The following P2RY10 variants were observed in gnomAD, a reference collection of about 807,000 sequenced individuals.
P2RY10 encodes the protein P2Y receptor family member 10.
A neutral mutation model predicts 12.1 loss-of-function variants in P2RY10; 4 were observed. The observed-to-expected ratio is 0.33, with a 90% confidence interval of 0.16 to 0.76. The LOEUF (loss-of-function observed/expected upper bound fraction) is 0.76. Ranked by LOEUF, P2RY10 falls within the 30% of genes least tolerant of loss-of-function variation. P2RY10 has a pLI of 0.61. For synonymous variants in P2RY10, 112 were observed against 94.1 expected, an observed-to-expected ratio of 1.19 and a Z score of -1.10; for missense variants, 233 against 264.6, an observed-to-expected ratio of 0.88 and a Z score of 0.83.
At chrX:78,952,166 G>GGCTGA (rs1401665378) in intron 2 of P2RY10, 27 bp from the exon 3 acceptor site, 2 of 730,713 alleles carry the variant, frequency 2.7e-6, no homozygotes. Context: ...CAGAGATGGT[G>GGCTGA]GCTGATTTTT....
In P2RY10 at chrX:78,961,367, G is replaced by T. The variant is rs746304449; in HGVS notation, c.847G>T (p.Ala283Ser). The T allele has an allele frequency of 8.3e-7, 1 of 1,211,040 alleles. No individual in the cohort carries two copies. Among genetic ancestry groups the T allele is most frequent in the African/African-American group, 1.7e-5 (1 of 57,667 alleles). The change falls in exon 4 of 4, where the codon GCA becomes TCA. Residue 283 changes from alanine (A) to serine (S), a missense_variant. Coordinates refer to ENST00000171757, the MANE Select transcript of P2RY10 (RefSeq NM_014499.4). Reference sequence around the variant, plus strand: ...TAGCAGTTGTCCCGTTGTCCGAATCGCACTGTATTTCCACCCTTTTTGCCT... The same window carrying T: ...TAGCAGTTGTCCCGTTGTCCGAATCTCACTGTATTTCCACCCTTTTTGCCT... ...IISSCPVVRI[A>S]LYFHPFCLCL...
rs186505487 is a variant in P2RY10, at chrX:78,957,105, A to G, written c.-13-3403A>G. Among the ~76,000 whole-genome samples the G allele has an allele frequency of 3.6e-5, 4 of 109,688 alleles. No homozygotes were observed. In the East Asian group the frequency reaches 1.1e-3, roughly 31 times the overall value. On this transcript the variant is annotated intron_variant, in intron 3 of 3. Coordinates refer to ENST00000171757, the MANE Select transcript of P2RY10 (RefSeq NM_014499.4). ...TGGGTTTTCTGGGTTTTTATTGTCT[A>G]TGGGAGGAAATATAGTGGCAAAGGT...
Position 78,961,564 on chromosome X carries a change from G to C in P2RY10, c.*24G>C. 1 of 1,090,280 alleles carries C rather than the reference G, an allele frequency of 9.2e-7. No individual in the cohort carries two copies. Among genetic ancestry groups the C allele is most frequent in the South Asian group, 2.1e-5 (1 of 48,020 alleles). 89.9% of individuals were successfully genotyped at this position (1,090,280 alleles called of 1,213,427 possible). A position where few individuals can be genotyped will look rare whatever the true frequency, so the allele number is the denominator to read the frequency against. On this transcript the variant is annotated 3_prime_UTR_variant, in exon 4 of 4. Transcript: ENST00000171757. ...AAAATTAAGATATCTCTTTAATTAC[G>C]CCTTTGTTTACCTACGTTCCTTGTC... is the stretch of plus-strand genomic sequence containing the variant.
chrX:78,958,381 G>A (rs1363625399), intron 3 of P2RY10, among the ~76,000 whole-genome samples: 2 of 112,356 alleles, frequency 1.8e-5, no homozygotes, highest in Non-Finnish European at 3.8e-5. Flanking sequence ...GCATGCAAAG[G>A]CATGTGGAGT....
intron 1 of P2RY10, among the ~76,000 whole-genome samples, chrX:78,946,097 G>C (rs984279189): frequency 9.0e-6 from 1 of 111,407 alleles, no homozygotes; most frequent in African/African-American, 3.3e-5. Context: ...GCTTGTTAGT[G>C]GTATAGGTGG....
intron 1 of P2RY10, among the ~76,000 whole-genome samples, chrX:78,947,252 A>G (rs1921885136): frequency 9.0e-6 from 1 of 111,277 alleles, no homozygotes; most frequent in African/African-American, 3.3e-5. Flanking sequence ...GCCTATCTAT[A>G]CTATAGCTCT....
intron 3 of P2RY10, among the ~76,000 whole-genome samples, chrX:78,954,939 CTTTAAG>C (rs990087456): frequency 1.8e-5 from 2 of 112,069 alleles, no homozygotes; most frequent in Non-Finnish European, 3.8e-5. Context: ...GTGAGGTTAA[CTTTAAG>C]TTTATCTCTT....
intron 3 of P2RY10, among the ~76,000 whole-genome samples, chrX:78,954,019 C>A (rs756735870): frequency 9.0e-6 from 1 of 111,072 alleles, no homozygotes; most frequent in East Asian, 2.8e-4. Flanking sequence ...GGCGTGCCAC[C>A]GCACCCAGCT....
chrX:78,963,127 T>C lies in P2RY10; in HGVS notation c.*1587T>C, dbSNP rs1235935417. ...ACATTTATGAAGCTGACCTCATCAC[T>C]CTTTATCTTTTATGTCTGCAGTATA... On this transcript the variant is annotated 3_prime_UTR_variant, in exon 4 of 4. Coordinates refer to ENST00000171757, the MANE Select transcript of P2RY10 (RefSeq NM_014499.4). Among the ~76,000 whole-genome samples the C allele has an allele frequency of 1.8e-5, 2 of 111,837 alleles. No individual in the cohort carries two copies. Among genetic ancestry groups the C allele is most frequent in the Non-Finnish European group, 3.8e-5 (2 of 53,151 alleles).
intron 2 of P2RY10, among the ~76,000 whole-genome samples, chrX:78,948,394 A>G (rs1470503210): frequency 8.9e-6 from 1 of 111,809 alleles, no homozygotes; most frequent in Admixed American, 9.5e-5. Context: ...GAGGAAATGA[A>G]CTCACATTTA....
In P2RY10 at chrX:78,947,140, G is replaced by A. The variant is rs376511427; in HGVS notation, c.-205-675G>A. ...TGAGGCTGGAGAATCGCTCGAAACC[G>A]AGAGATGGAGGTTGCAGTGAGCTGA... On this transcript the variant is annotated intron_variant, in intron 1 of 3. Coordinates refer to ENST00000171757, the MANE Select transcript of P2RY10 (RefSeq NM_014499.4). Among the ~76,000 whole-genome samples, 14 of 110,322 alleles carry A rather than the reference G, an allele frequency of 1.3e-4. No individual in the cohort carries two copies. The East Asian group carries it at 1.4e-3, about 11-fold the overall frequency.
At chrX:78,960,457 C>T in intron 3 of P2RY10, 51 bp from the exon 4 acceptor site, 1 of 951,530 alleles carries the variant, frequency 1.1e-6, no homozygotes, top group Non-Finnish European at 1.5e-6. Context: ...TAGGTGTTAA[C>T]TAAAGAACTA....
chrX:78,947,846 A>C lies in P2RY10; in HGVS notation c.-174A>C, dbSNP rs1206039982. On this transcript the variant is annotated 5_prime_UTR_variant, in exon 2 of 4. Transcript: ENST00000171757. ...TTATCATGACAGCTTCAACTTTTAG[A>C]CCACAGGCAAATGCTTTGTAAGTAA... 1 of 710,839 alleles carries C rather than the reference A, an allele frequency of 1.4e-6. No homozygotes were observed. Among genetic ancestry groups the C allele is most frequent in the Non-Finnish European group, 1.7e-6 (1 of 600,714 alleles). 58.6% of individuals were successfully genotyped at this position (710,839 alleles called of 1,213,427 possible). A position where few individuals can be genotyped will look rare whatever the true frequency, so the allele number is the denominator to read the frequency against.
chrX:78,948,529 A>C (rs1409208865), intron 2 of P2RY10, among the ~76,000 whole-genome samples: 1 of 111,496 alleles, frequency 9.0e-6, no homozygotes, highest in South Asian at 3.7e-4. Flanking sequence ...TAAATTATAT[A>C]GCAGTAAATT....
At chrX:78,945,623 C>T (rs1470381822) in intron 1 of P2RY10, 128 bp downstream of exon 1, 1 of 111,805 alleles carries the variant, frequency 8.9e-6, no homozygotes, top group African/African-American at 3.3e-5. Flanking sequence ...TTTCTCATCT[C>T]AGACATCTTA....
At chrX:78,949,274 A>T (rs750581654) in intron 2 of P2RY10, among the ~76,000 whole-genome samples, 1 of 111,859 alleles carries the variant, frequency 8.9e-6, no homozygotes, top group South Asian at 3.7e-4. Context: ...AGTTCCTTGT[A>T]GATTCTAGTT....
At chrX:78,958,312 A>G (rs1169834234) in intron 3 of P2RY10, among the ~76,000 whole-genome samples, 2 of 112,580 alleles carry the variant, frequency 1.8e-5, no homozygotes, top group Non-Finnish European at 3.8e-5. Context: ...GTGAAGTAAC[A>G]CAGGAGTAGA....
At chrX:78,950,130 A>G (rs1018629788) in intron 2 of P2RY10, among the ~76,000 whole-genome samples, 1 of 111,435 alleles carries the variant, frequency 9.0e-6, no homozygotes, top group African/African-American at 3.3e-5. Context: ...AATTTGATAA[A>G]CATGTTTACT....
At chrX:78,960,055 A>C (rs1922530926) in intron 3 of P2RY10, among the ~76,000 whole-genome samples, 2 of 111,644 alleles carry the variant, frequency 1.8e-5, no homozygotes, top group African/African-American at 6.5e-5. Context: ...CAGGACCCAA[A>C]GAGCAAAATG....
Sources: allele counts gnomAD v4.1 joint callset (sites outside exome capture counted in the v4.1 genomes callset), GRCh38; gene constraint gnomAD v4.1.1; transcripts MANE v1.5; gene names NCBI Gene and HGNC (gene_info 2026-07-23, HGNC 2026-07-21).